The following IL33 variants were observed in gnomAD, a reference collection of about 807,000 sequenced individuals.
The protein encoded by IL33 is interleukin-33.
A neutral mutation model predicts 27.3 loss-of-function variants in IL33; 37 were observed. That is an observed-to-expected ratio of 1.36 (90% CI 1.04 to 1.78). The LOEUF (loss-of-function observed/expected upper bound fraction) is 1.78, where lower values mean the gene tolerates loss of function less well. Ranked by LOEUF, IL33 falls within the 40% of genes most tolerant of loss-of-function variation. IL33 has a pLI of 0.00. For missense variants in IL33, 406 were observed against 311.4 expected (o/e 1.30, Z -2.29); for synonymous variants, 132 against 102.9 (o/e 1.28, Z -1.71).
intron 1 of IL33, among the ~76,000 whole-genome samples, chr9:6,236,968 A>G (rs1819249506): frequency 6.6e-6 from 1 of 152,232 alleles, no homozygotes; most frequent in Non-Finnish European, 1.5e-5. Context: ...ACACGTTCTA[A>G]TGCATTTAAG....
chr9:6,254,409 T>C, intron 6 of IL33, 53 bp from the exon 7 acceptor site: 1 of 1,182,368 alleles, frequency 8.5e-7, no homozygotes, highest in Non-Finnish European at 1.2e-6. Flanking sequence ...TTCATTTAAA[T>C]AAAGATGAGT....
intron 2 of IL33, among the ~76,000 whole-genome samples, chr9:6,244,288 G>A (rs1747559606): frequency 6.6e-6 from 1 of 151,962 alleles, no homozygotes; most frequent in Non-Finnish European, 1.5e-5. Context: ...ATTTTAATTG[G>A]CCCTTAACAG....
chr9:6,248,339 C>T lies in IL33; in HGVS notation c.92-2135C>T, dbSNP rs370660531. On this transcript the variant is annotated intron_variant, in intron 2 of 7. Transcript: ENST00000682010. The stretch of plus-strand genomic sequence containing the variant: ...AGCTCACTGCAACCTCCGGAGAGGT[C>T]GGATCTTTAAGATGTAATTAGGTCA... 5.0e-5 allele frequency among the ~76,000 whole-genome samples: 7 copies of T among 140,478 alleles called. 1 individual carries two copies. The East Asian group carries it at 8.6e-4, about 17-fold the overall frequency. 92.2% of individuals were successfully genotyped at this position (140,478 alleles called of 152,430 possible). A position where few individuals can be genotyped will look rare whatever the true frequency, so the allele number is the denominator to read the frequency against.
chr9:6,245,742 T>C (rs186574421), intron 2 of IL33, among the ~76,000 whole-genome samples: 2 of 152,090 alleles, frequency 1.3e-5, no homozygotes, highest in East Asian at 3.9e-4. Context: ...GAAGGAAAAA[T>C]AAATGATTCT....
intron 2 of IL33, among the ~76,000 whole-genome samples, chr9:6,247,692 A>G (rs1819944971): frequency 6.6e-6 from 1 of 152,026 alleles, no homozygotes. Flanking sequence ...ACCCCAGTGG[A>G]GTGCTCTCTC....
At chr9:6,235,755 T>A (rs1819165764) in intron 1 of IL33, among the ~76,000 whole-genome samples, 1 of 152,146 alleles carries the variant, frequency 6.6e-6, no homozygotes. Context: ...ATCAGATAGT[T>A]TACACTCTTT....
At chr9:6,251,290 T>A (rs760578377) in intron 4 of IL33, 25 bp downstream of exon 4, 1 of 1,611,072 alleles carries the variant, frequency 6.2e-7, no homozygotes, top group Non-Finnish European at 8.5e-7. Flanking sequence ...AGGGGTGATG[T>A]GGGAGTGAGG....
rs1388396986 is a variant in IL33, at chr9:6,254,464, G to A, written c.523G>A (p.Asp175Asn). ...ESQHPSNESG[D>N]GVDGKMLMVT... ...ATTTATACTTTCTTAATTGTAAGGT[G>A]ACGGTGTTGATGGTAAGATGTTAAT... Residue 175 changes from aspartate (D) to asparagine (N), a missense_variant and splice_region_variant, in exon 7 of 8, where the codon GAC (aspartate) becomes AAC (asparagine). Physicochemically the swap from Asp to Asn is conservative, Grantham distance 23. Transcript: ENST00000682010. 6.4e-7 allele frequency: 1 copy of A among 1,570,224 alleles called. No individual in the cohort carries two copies. Among genetic ancestry groups the A allele is most frequent in the Admixed American group, 1.8e-5 (1 of 56,208 alleles).
chr9:6,249,956 T>A (rs527525643), intron 2 of IL33, among the ~76,000 whole-genome samples: 1 of 152,304 alleles, frequency 6.6e-6, no homozygotes, highest in South Asian at 2.1e-4. Flanking sequence ...AAAAGTGTTC[T>A]AGACAAGGAG....
chr9:6,234,902 T>C (rs1330455963), intron 1 of IL33, among the ~76,000 whole-genome samples: 1 of 152,250 alleles, frequency 6.6e-6, no homozygotes, highest in African/African-American at 2.4e-5. Flanking sequence ...AAACTCCTTA[T>C]TGTAGCATTC....
intron 6 of IL33, 22 bp from the exon 7 acceptor site, chr9:6,254,440 T>C: frequency 1.3e-6 from 2 of 1,485,484 alleles, no homozygotes; most frequent in Non-Finnish European, 1.8e-6. Flanking sequence ...AACTTTATCA[T>C]TTATACTTTC....
chr9:6,240,171 C>A (rs531446521), intron 1 of IL33, among the ~76,000 whole-genome samples: 72 of 152,290 alleles, frequency 4.7e-4, no homozygotes, highest in African/African-American at 1.6e-3. Flanking sequence ...ATATGAGTGA[C>A]CACGGCCTGT....
chr9:6,257,639 AC>A lies in IL33; in HGVS notation c.*1472del, dbSNP rs773552986. 7.2e-5 allele frequency: 11 copies of A among 152,598 alleles called. No individual in the cohort carries two copies. Among genetic ancestry groups the A allele is most frequent in the African/African-American group, 1.9e-4 (8 of 41,470 alleles). The allele number at this position is 152,598 out of a possible 1,614,324, so 9.5% of individuals were successfully genotyped here. A position where few individuals can be genotyped will look rare whatever the true frequency, so the allele number is the denominator to read the frequency against. On this transcript the variant is annotated 3_prime_UTR_variant, in exon 8 of 8. Coordinates refer to ENST00000682010, the MANE Select transcript of IL33 (RefSeq NM_033439.4). ...CTTATGATAAATGACTAACATAGTAACAGAATCTTTATGAAATATGACCTTT... is the reference window on the plus strand; with the variant it reads ...CTTATGATAAATGACTAACATAGTAAAGAATCTTTATGAAATATGACCTTT...
chr9:6,251,333 T>C, intron 4 of IL33, 68 bp downstream of exon 4: 1 of 1,591,858 alleles, frequency 6.3e-7, no homozygotes, highest in African/African-American at 1.3e-5. Flanking sequence ...CGGAAAGTGC[T>C]ACTCCAGGTA....
chr9:6,255,643 A>G (rs1259299955), intron 7 of IL33, among the ~76,000 whole-genome samples: 1 of 152,128 alleles, frequency 6.6e-6, no homozygotes, highest in East Asian at 1.9e-4. Context: ...ATGAGGCTTG[A>G]GAGATAAAGC....
intron 2 of IL33, among the ~76,000 whole-genome samples, chr9:6,245,955 T>C (rs150218879): frequency 0.055 from 8,096 of 147,270 alleles, 691 homozygotes; most frequent in African/African-American, 0.19. Context: ...CCCAGCCACT[T>C]GGGAGGCTGA....
chr9:6,238,967 A>G (rs150672104), intron 1 of IL33, among the ~76,000 whole-genome samples: 20 of 152,334 alleles, frequency 1.3e-4, no homozygotes, highest in Admixed American at 2.6e-4. Context: ...TCATCAAGGT[A>G]TCACATCGAT....
intron 1 of IL33, among the ~76,000 whole-genome samples, chr9:6,235,015 T>C (rs1439513913): frequency 1.3e-5 from 2 of 152,152 alleles, no homozygotes; most frequent in Non-Finnish European, 2.9e-5. Flanking sequence ...GAAAAAAAAA[T>C]CCCAAATGTA....
intron 1 of IL33, among the ~76,000 whole-genome samples, chr9:6,223,817 T>C (rs1364013720): frequency 6.6e-6 from 1 of 152,186 alleles, no homozygotes; most frequent in African/African-American, 2.4e-5. Flanking sequence ...AGAAGTTTCG[T>C]CGGGCAGTTT....
Sources: allele counts gnomAD v4.1 joint callset (sites outside exome capture counted in the v4.1 genomes callset), GRCh38; gene constraint gnomAD v4.1.1; transcripts MANE v1.5; gene names NCBI Gene and HGNC (gene_info 2026-07-23, HGNC 2026-07-21).